CELF2: variants seen among roughly 807,000 people sequenced by gnomAD.
CELF2 encodes CUGBP Elav-like family member 2, also known as CUG triplet repeat RNA-binding protein 2.
In CELF2, 8 loss-of-function variants were observed where a neutral mutation model predicts 62.6. The observed-to-expected ratio is 0.13, with a 90% CI of 0.07 to 0.23. CELF2 has a LOEUF of 0.23. Ranked by LOEUF, CELF2 falls within the 10% of genes least tolerant of loss-of-function variation. CELF2 has a pLI of 1.00. For synonymous variants in CELF2, 258 were observed against 250.0 expected, an observed-to-expected ratio of 1.03 and a Z score of -0.30; for missense variants, 333 against 671.0, an observed-to-expected ratio of 0.50 and a Z score of 5.56.
At chr10:10,758,288 G>A in the CELF2 span, among the ~76,000 whole-genome samples, 1 of 152,130 alleles carries the variant, frequency 6.6e-6, no homozygotes, top group African/African-American at 2.4e-5. Context: ...TGTGCTGCTT[G>A]GTGTAATAGA....
the CELF2 span, among the ~76,000 whole-genome samples, chr10:10,679,265 G>A: frequency 3.2e-4 from 49 of 152,132 alleles, no homozygotes; most frequent in East Asian, 8.3e-3. Context: ...ATAAGACTAA[G>A]GACAAAATGG....
intron 1 of CELF2, among the ~76,000 whole-genome samples, chr10:11,147,547 C>G (rs1045735799): frequency 1.3e-5 from 2 of 152,050 alleles, no homozygotes; most frequent in Non-Finnish European, 2.9e-5. Context: ...AAAGCTTGTC[C>G]CCATAAGCTT....
At chr10:11,149,133 C>T (rs185278535) in intron 1 of CELF2, among the ~76,000 whole-genome samples, 14 of 152,174 alleles carry the variant, frequency 9.2e-5, no homozygotes, top group African/African-American at 1.4e-4. Context: ...TGCAGTGGTG[C>T]GATCTTGGCT....
At chr10:10,571,902 A>G in the CELF2 span, among the ~76,000 whole-genome samples, 3 of 152,080 alleles carry the variant, frequency 2.0e-5, no homozygotes, top group Non-Finnish European at 4.4e-5. Context: ...CCAAGACTTT[A>G]ATAAATAAAG....
rs577187414 is a variant in CELF2, at chr10:11,246,792, T to C, written c.355-2361T>C. Among the ~76,000 whole-genome samples, 18 of 152,344 alleles carry C rather than the reference T, an allele frequency of 1.2e-4. No individual in the cohort carries two copies. The highest frequency in any genetic ancestry group is 1.5e-4 in the Non-Finnish European group (10 of 68,024). ...CCTCGCTGACAGCTTCGCGCATACCTGTGGCTTCACTGTCACGCTAAGGAA... is the reference window on the plus strand; with the variant it reads ...CCTCGCTGACAGCTTCGCGCATACCCGTGGCTTCACTGTCACGCTAAGGAA... On this transcript the variant is annotated intron_variant, in intron 3 of 12. Coordinates refer to ENST00000633077, the MANE Select transcript of CELF2 (RefSeq NM_001326342.2). This position sits in a 1 kb window ranked among gnomAD's most constrained non-coding sequence, Gnocchi z 4.6.
At chr10:10,817,907 A>G (rs2056617580) in intron 1 of CELF2, among the ~76,000 whole-genome samples, 1 of 152,190 alleles carries the variant, frequency 6.6e-6, no homozygotes, top group Non-Finnish European at 1.5e-5. Flanking sequence ...ACTTTTGTGC[A>G]AAATAGACCT....
At chr10:10,809,185 G>A (rs2055573054) in intron 1 of CELF2, among the ~76,000 whole-genome samples, 1 of 151,964 alleles carries the variant, frequency 6.6e-6, no homozygotes. Flanking sequence ...CTCTCTCTCT[G>A]CCTCCCTCTT....
the CELF2 span, among the ~76,000 whole-genome samples, chr10:10,760,755 G>A: frequency 1.8e-4 from 27 of 152,268 alleles, no homozygotes; most frequent in East Asian, 2.7e-3. Flanking sequence ...AGTGTTTCTC[G>A]CAGAAAGAAC....
chr10:10,918,657 T>C lies in CELF2; in HGVS notation c.54-1307T>C, dbSNP rs2064570304. On this transcript the variant is annotated intron_variant, in intron 1 of 13. Coordinates refer to the CELF2 transcript ENST00000636488. ...GAATTGACACAGTAGGAAAAGAAAA[T>C]GTTCCTTTAAAGCTGAAGCTTAACC... Among the ~76,000 whole-genome samples the C allele has an allele frequency of 2.0e-5, 3 of 152,124 alleles. No individual in the cohort carries two copies. The South Asian group carries it at 6.2e-4, about 32-fold the overall frequency.
intron 1 of CELF2, among the ~76,000 whole-genome samples, chr10:10,877,315 G>A (rs1168326955): frequency 2.6e-5 from 4 of 152,226 alleles, no homozygotes; most frequent in Non-Finnish European, 5.9e-5. Flanking sequence ...ATGTGCCCAA[G>A]GTGATCAGAG....
chr10:10,891,498 C>T (rs1378831867), intron 1 of CELF2, among the ~76,000 whole-genome samples: 10 of 151,750 alleles, frequency 6.6e-5, no homozygotes, highest in East Asian at 1.9e-4. Context: ...TACTTACAAA[C>T]GTTAGAGCTT....
the CELF2 span, among the ~76,000 whole-genome samples, chr10:10,667,910 A>G: frequency 3.9e-5 from 6 of 152,246 alleles, no homozygotes; most frequent in South Asian, 1.2e-3. Context: ...GCACATCCTC[A>G]CTACCAGCAA....
the CELF2 span, among the ~76,000 whole-genome samples, chr10:10,491,957 C>T: frequency 4.8e-4 from 73 of 151,938 alleles, no homozygotes; most frequent in Non-Finnish European, 9.3e-4. Context: ...CTTGAATGCC[C>T]CATCCCTCTC....
At chr10:10,838,584 T>C (rs2058462896) in intron 1 of CELF2, among the ~76,000 whole-genome samples, 1 of 152,234 alleles carries the variant, frequency 6.6e-6, no homozygotes, top group African/African-American at 2.4e-5. Flanking sequence ...ATGAACTCAC[T>C]GATTTATATT....
intron 1 of CELF2, among the ~76,000 whole-genome samples, chr10:10,880,187 C>T (rs1413798395): frequency 6.6e-6 from 1 of 152,098 alleles, no homozygotes; most frequent in Non-Finnish European, 1.5e-5. Context: ...AGTTTCTTGA[C>T]AAAAGATTGG....
chr10:11,079,061 A>G (rs186918843), intron 1 of CELF2, among the ~76,000 whole-genome samples: 2 of 152,256 alleles, frequency 1.3e-5, no homozygotes, highest in Non-Finnish European at 1.5e-5. Flanking sequence ...TACTCAAAGT[A>G]TAAAACTACT....
At chr10:10,658,976 T>C in the CELF2 span, among the ~76,000 whole-genome samples, 5 of 152,314 alleles carry the variant, frequency 3.3e-5, no homozygotes, top group East Asian at 9.6e-4. Flanking sequence ...AGAGTTGAAC[T>C]CATAAACAGA....
chr10:10,526,523 C>CA, the CELF2 span, among the ~76,000 whole-genome samples: 4 of 152,112 alleles, frequency 2.6e-5, no homozygotes, highest in African/African-American at 9.7e-5. Flanking sequence ...TGACCTTATA[C>CA]GCATCAGGTA....
At chr10:10,485,367 T>C in the CELF2 span, among the ~76,000 whole-genome samples, 58 of 152,344 alleles carry the variant, frequency 3.8e-4, no homozygotes, top group African/African-American at 1.3e-3. Context: ...TAGCATCCTA[T>C]GTTAGCCTTT....
Sources: gnomAD v4.1 joint callset for allele counts (sites outside exome capture counted in the v4.1 genomes callset) on GRCh38, gnomAD v4.1.1 for gene constraint, Gnocchi (gnomAD v3.1) non-coding constraint, MANE v1.5 for transcripts, NCBI Gene and HGNC (gene_info 2026-07-23, HGNC 2026-07-21) for gene names.